NR3C2: variants seen among roughly 807,000 people sequenced by gnomAD.
The protein encoded by NR3C2 is mineralocorticoid receptor.
A neutral mutation model predicts 86.4 loss-of-function variants in NR3C2; 15 were observed. The ratio of observed to expected loss-of-function variants is 0.17; its 90% CI spans 0.12 to 0.27. The LOEUF is 0.27. Among genes scored for constraint, NR3C2 ranks in the 10% least tolerant of loss-of-function variants. The pLI is 1.00. For missense variants in NR3C2, 960 were observed against 1,195.6 expected (o/e 0.80, Z 2.91); for synonymous variants, 458 against 450.5 (o/e 1.02, Z -0.21).
chr4:148,161,923 CAG>C (rs970608226), intron 4 of NR3C2, among the ~76,000 whole-genome samples: 2 of 152,192 alleles, frequency 1.3e-5, no homozygotes, highest in African/African-American at 4.8e-5. Flanking sequence ...AAGACAATGG[CAG>C]AGAGAAGTTG....
At chr4:148,153,066 T>G (rs1178113434) in intron 5 of NR3C2, among the ~76,000 whole-genome samples, 1 of 152,210 alleles carries the variant, frequency 6.6e-6, no homozygotes, top group East Asian at 1.9e-4. Flanking sequence ...AAAATGAGCA[T>G]GTGGTGCCTC....
Position 148,132,758 on chromosome 4 carries a change from C to G in NR3C2, c.2511-12470G>C, listed in dbSNP as rs1383409329. Reference sequence around the variant, plus strand: ...CAGCATTCTAGGATTTGAATCCAGGCTGTCTGGTCTCAGATTCTGGTCTCC... The same window carrying G: ...CAGCATTCTAGGATTTGAATCCAGGGTGTCTGGTCTCAGATTCTGGTCTCC... On this transcript the variant is annotated intron_variant, in intron 6 of 8. Transcript: ENST00000358102. Among the ~76,000 whole-genome samples, 8 of 152,316 alleles carry G rather than the reference C, an allele frequency of 5.3e-5. No homozygotes were observed. The South Asian group carries it at 1.0e-3, about 20-fold the overall frequency.
rs78208431 is a variant in NR3C2 at position 148,350,590 on chromosome 4, C to T, written c.1757+84514G>A. 1.7e-4 allele frequency among the ~76,000 whole-genome samples: 26 copies of T among 152,288 alleles called. No individual in the cohort carries two copies. The East Asian group carries it at 5.0e-3, about 29-fold the overall frequency. On this transcript the variant is annotated intron_variant, in intron 2 of 8. Transcript: ENST00000358102. ...CTAGAATAGTCTCCTAACCCATCTC[C>T]TCAAATCCATTTTTACAAAGTCACC...
At position 148,212,604 on chromosome 4, in the gene NR3C2, T is replaced by A. The variant is rs115969219; in HGVS notation, c.1898-17742A>T. 7.3e-3 allele frequency among the ~76,000 whole-genome samples: 1,110 copies of A among 152,334 alleles called. 11 individuals are homozygous for A. Among genetic ancestry groups the A allele is most frequent in the African/African-American group, 0.026 (1,063 of 41,580 alleles). On this transcript the variant is annotated intron_variant, in intron 3 of 8. Transcript: ENST00000358102. ...CCCAGAGGGGTCATTAGCCATTGTA[T>A]CACCATATAACAAGGCAAACACATA...
chr4:148,204,718 A>G (rs1417411311), intron 3 of NR3C2, among the ~76,000 whole-genome samples: 1 of 152,212 alleles, frequency 6.6e-6, no homozygotes, highest in Non-Finnish European at 1.5e-5. Context: ...GGCCACCTTA[A>G]AAAGGATAAT....
intron 3 of NR3C2, among the ~76,000 whole-genome samples, chr4:148,210,029 T>A (rs1275411848): frequency 6.6e-6 from 1 of 152,284 alleles, no homozygotes; most frequent in East Asian, 1.9e-4. Flanking sequence ...CCAAGTTATA[T>A]GTCAGCAAGG....
At chr4:148,274,306 A>G (rs1278979755) in intron 2 of NR3C2, among the ~76,000 whole-genome samples, 3 of 152,210 alleles carry the variant, frequency 2.0e-5, no homozygotes, top group Admixed American at 2.0e-4. Context: ...CAGCAAATTT[A>G]CCTCACAATG....
intron 3 of NR3C2, chr4:148,208,101 C>T (rs6828665): frequency 0.7 from 107,203 of 152,088 alleles, 38,163 homozygotes; most frequent in African/African-American, 0.8. Flanking sequence ...ACACAACTGG[C>T]GCTCAACAAA....
intron 2 of NR3C2, among the ~76,000 whole-genome samples, chr4:148,301,029 G>A (rs1025074236): frequency 6.6e-6 from 1 of 152,146 alleles, no homozygotes; most frequent in South Asian, 2.1e-4. Flanking sequence ...ATGGATCCCT[G>A]TCAAAGTCTG....
intron 2 of NR3C2, among the ~76,000 whole-genome samples, chr4:148,304,253 T>C (rs1391631417): frequency 6.6e-6 from 1 of 151,742 alleles, no homozygotes; most frequent in African/African-American, 2.4e-5. Flanking sequence ...CTTAAACTGG[T>C]TGGCTAAGGA....
intron 2 of NR3C2, among the ~76,000 whole-genome samples, chr4:148,335,250 G>A (rs1744422304): frequency 6.6e-6 from 1 of 152,138 alleles, no homozygotes; most frequent in Non-Finnish European, 1.5e-5. Flanking sequence ...GATTAAAGCT[G>A]GTGGATGTTA....
chr4:148,236,199 T>A (rs187442441), intron 3 of NR3C2, among the ~76,000 whole-genome samples: 22 of 152,336 alleles, frequency 1.4e-4, no homozygotes, highest in Admixed American at 1.4e-3. Context: ...TTAGCTAAAC[T>A]GATTTTTGGC....
chr4:148,237,386 T>C (rs1738798079), intron 3 of NR3C2, among the ~76,000 whole-genome samples: 1 of 152,216 alleles, frequency 6.6e-6, no homozygotes, highest in Non-Finnish European at 1.5e-5. Flanking sequence ...TAGCTAGTCC[T>C]AGAATTTAAA....
chr4:148,426,704 T>C (rs766781515), intron 2 of NR3C2, among the ~76,000 whole-genome samples: 1 of 152,210 alleles, frequency 6.6e-6, no homozygotes, highest in Non-Finnish European at 1.5e-5. Flanking sequence ...AGTCACTACA[T>C]ACATTCCCTC....
chr4:148,433,672 G>T (rs900373871), intron 2 of NR3C2, among the ~76,000 whole-genome samples: 1 of 152,084 alleles, frequency 6.6e-6, no homozygotes, highest in Non-Finnish European at 1.5e-5. Flanking sequence ...GCAGAGTTGG[G>T]ATTTCAACCA....
At chr4:148,444,582 C>T, upstream of NR3C2, 12 of 988,278 alleles carry the variant, frequency 1.2e-5, no homozygotes, top group Non-Finnish European at 1.4e-5. Flanking sequence ...GCTAGACTCC[C>T]GCCGCCGCTG....
intron 2 of NR3C2, among the ~76,000 whole-genome samples, chr4:148,369,155 C>T (rs61762845): frequency 3.9e-5 from 6 of 152,234 alleles, no homozygotes; most frequent in Non-Finnish European, 8.8e-5. Flanking sequence ...TTCCCTCATT[C>T]TGCTTCATGC....
chr4:148,371,241 A>G (rs947262808), intron 2 of NR3C2, among the ~76,000 whole-genome samples: 37 of 152,182 alleles, frequency 2.4e-4, no homozygotes, highest in African/African-American at 8.4e-4. Context: ...ATTTTACTAT[A>G]GTCACCCCAT....
At chr4:148,134,823 AT>A (rs1174671392) in intron 6 of NR3C2, among the ~76,000 whole-genome samples, 225 of 139,282 alleles carry the variant, frequency 1.6e-3, no homozygotes, top group African/African-American at 2.6e-3. Flanking sequence ...TAATTTTTGT[AT>A]TTTTTTTTTT....
Sources: allele counts gnomAD v4.1 joint callset (sites outside exome capture counted in the v4.1 genomes callset), GRCh38; gene constraint gnomAD v4.1.1; transcripts MANE v1.5; gene names NCBI Gene and HGNC (gene_info 2026-07-23, HGNC 2026-07-21).